The following MXI1 variants were observed in gnomAD, a reference collection of about 807,000 sequenced individuals.
MXI1 encodes MAX interactor 1, dimerization protein.
MXI1 carries 18 observed loss-of-function variants against 36.9 expected under a neutral mutation model. The ratio of observed to expected loss-of-function variants is 0.49; its 90% CI spans 0.34 to 0.72. The LOEUF is 0.72. Ranked by LOEUF, MXI1 falls within the 30% of genes least tolerant of loss-of-function variation. The probability of loss-of-function intolerance (pLI) is 0.01; values close to 1 mark genes in which losing one functional copy is unlikely to be tolerated. For missense variants in MXI1, 304 were observed against 379.1 expected (o/e 0.80, Z 1.64); for synonymous variants, 160 against 146.7 (o/e 1.09, Z -0.65).
chr10:110,258,188 T>C (rs1426642442), intron 3 of MXI1, among the ~76,000 whole-genome samples: 4 of 152,220 alleles, frequency 2.6e-5, no homozygotes, highest in African/African-American at 7.2e-5. Context: ...GATCCAGTTT[T>C]CTGGATTTTA....
At chr10:110,267,251 A>G (rs1028199992) in intron 3 of MXI1, among the ~76,000 whole-genome samples, 8 of 152,262 alleles carry the variant, frequency 5.3e-5, no homozygotes, top group Admixed American at 1.3e-4. Flanking sequence ...CCAATAAAAA[A>G]TAGAAATAAA....
intron 3 of MXI1, among the ~76,000 whole-genome samples, chr10:110,258,813 T>G (rs1435588737): frequency 1.3e-5 from 2 of 152,140 alleles, no homozygotes; most frequent in African/African-American, 4.8e-5. Flanking sequence ...TCTAGATAGA[T>G]TCACAGTTTC....
At chr10:110,274,700 ATAT>A (rs1312269721) in intron 3 of MXI1, among the ~76,000 whole-genome samples, 1 of 152,096 alleles carries the variant, frequency 6.6e-6, no homozygotes, top group African/African-American at 2.4e-5. Flanking sequence ...GTTCATCATA[ATAT>A]TCAGAAGAGC....
intron 2 of MXI1, among the ~76,000 whole-genome samples, chr10:110,241,323 GAGA>G (rs917610287): frequency 5.9e-5 from 9 of 151,940 alleles, no homozygotes; most frequent in African/African-American, 2.2e-4. Context: ...ATTTTATTGG[GAGA>G]AGAAAAGTGG....
chr10:110,284,906 T>C lies in MXI1; in HGVS notation c.807T>C (p.Ile269=). 2 of 1,613,998 alleles carry C rather than the reference T, an allele frequency of 1.2e-6. No homozygotes were observed. The highest frequency in any genetic ancestry group is 1.7e-6 in the Non-Finnish European group (2 of 1,180,000). ...TAAGTACCACCAGCATCAGTGACATTGATGACCACAGCAGCCTGCCGAGTA... is the reference window on the plus strand; with the variant it reads ...TAAGTACCACCAGCATCAGTGACATCGATGACCACAGCAGCCTGCCGAGTA... ...DNISTTSISD[I]DDHSSLPSIG... The change falls in exon 6 of 6, where the codon ATT becomes ATC. Residue 269 remains isoleucine, a synonymous_variant. Transcript: ENST00000332674.
At chr10:110,261,022 C>T (rs535767156) in intron 3 of MXI1, 1 of 985,038 alleles carries the variant, frequency 1.0e-6, no homozygotes, top group African/African-American at 1.7e-5. Context: ...CTCCAGTGAT[C>T]ACTGGATGGA....
chr10:110,224,477 A>G (rs1854903286), intron 1 of MXI1, among the ~76,000 whole-genome samples: 1 of 152,114 alleles, frequency 6.6e-6, no homozygotes, highest in Non-Finnish European at 1.5e-5. Flanking sequence ...ATGCTCCTAA[A>G]CATCCTGCAA....
chr10:110,214,825 T>C (rs1174716704), intron 1 of MXI1, among the ~76,000 whole-genome samples: 1 of 146,072 alleles, frequency 6.8e-6, no homozygotes, highest in African/African-American at 2.6e-5. Context: ...AGATGAATTG[T>C]GGTTTTGTGG....
chr10:110,281,607 G>T (rs1361696485), intron 5 of MXI1, among the ~76,000 whole-genome samples: 1 of 152,074 alleles, frequency 6.6e-6, no homozygotes, highest in Non-Finnish European at 1.5e-5. Flanking sequence ...AAACATGAAG[G>T]AATATATAGG....
At chr10:110,215,034 T>TTTTTTTTC (rs1854600113) in intron 1 of MXI1, among the ~76,000 whole-genome samples, 1 of 75,950 alleles carries the variant, frequency 1.3e-5, no homozygotes, top group Admixed American at 1.3e-4. Flanking sequence ...CACTTCAGTT[T>TTTTTTTTC]TTTTTTTTGT....
chr10:110,265,776 C>T (rs1462230896), intron 3 of MXI1, among the ~76,000 whole-genome samples: 7 of 152,210 alleles, frequency 4.6e-5, no homozygotes, highest in South Asian at 2.1e-4. Flanking sequence ...GGGGTTATCA[C>T]GGGCTGAGGC....
intron 3 of MXI1, among the ~76,000 whole-genome samples, chr10:110,247,987 C>T (rs1855934380): frequency 6.6e-6 from 1 of 152,148 alleles, no homozygotes; most frequent in South Asian, 2.1e-4. Context: ...AAATGTGGCA[C>T]ATATACACCA....
At chr10:110,218,307 G>C (rs940669460) in intron 1 of MXI1, among the ~76,000 whole-genome samples, 1 of 151,998 alleles carries the variant, frequency 6.6e-6, no homozygotes, top group Non-Finnish European at 1.5e-5. Flanking sequence ...AAAATTAGCC[G>C]GGCGTGGTGG....
chr10:110,262,398 C>T (rs750074480), intron 3 of MXI1, among the ~76,000 whole-genome samples: 45 of 151,966 alleles, frequency 3.0e-4, no homozygotes, highest in Non-Finnish European at 5.9e-4. Flanking sequence ...CCCATTGATA[C>T]TGAGGGATGA....
chr10:110,259,954 C>G (rs891710424), intron 3 of MXI1, among the ~76,000 whole-genome samples: 5 of 152,052 alleles, frequency 3.3e-5, no homozygotes, highest in African/African-American at 1.2e-4. Flanking sequence ...TGACATAGTG[C>G]TTATACTCAC....
chr10:110,264,035 T>C (rs190915594), intron 3 of MXI1, among the ~76,000 whole-genome samples: 1 of 152,226 alleles, frequency 6.6e-6, no homozygotes, highest in African/African-American at 2.4e-5. Flanking sequence ...AAGTGGCCAA[T>C]GGGTTCATCT....
chr10:110,245,168 G>A (rs1264417095), intron 3 of MXI1, among the ~76,000 whole-genome samples: 1 of 152,052 alleles, frequency 6.6e-6, no homozygotes, highest in Non-Finnish European at 1.5e-5. Context: ...CTAAAGGGTA[G>A]GATTTCTAAA....
At chr10:110,247,542 C>A (rs1855916396) in intron 3 of MXI1, among the ~76,000 whole-genome samples, 1 of 152,114 alleles carries the variant, frequency 6.6e-6, no homozygotes, top group Non-Finnish European at 1.5e-5. Context: ...AGTCTTTAAT[C>A]CATCTTGAAT....
intron 3 of MXI1, among the ~76,000 whole-genome samples, chr10:110,253,823 T>C (rs1011807898): frequency 1.3e-5 from 2 of 152,090 alleles, no homozygotes; most frequent in Non-Finnish European, 2.9e-5. Context: ...TGTCTCAATA[T>C]GAAAATACCT....
Sources: allele counts gnomAD v4.1 joint callset (sites outside exome capture counted in the v4.1 genomes callset), GRCh38; gene constraint gnomAD v4.1.1; transcripts MANE v1.5; gene names NCBI Gene and HGNC (gene_info 2026-07-23, HGNC 2026-07-21).